The following PLP1 variants were observed in gnomAD, a reference collection of about 807,000 sequenced individuals.
The protein encoded by PLP1 is myelin proteolipid protein.
In PLP1, 2 loss-of-function variants were observed where a neutral mutation model predicts 18.5. The observed-to-expected ratio is 0.11, with a 90% CI of 0.04 to 0.34. The LOEUF (loss-of-function observed/expected upper bound fraction) is 0.34, where lower values mean the gene tolerates loss of function less well. Among genes scored for constraint, PLP1 ranks in the 10% least tolerant of loss-of-function variants. The pLI is 1.00. For missense variants in PLP1, 105 were observed against 207.3 expected, an observed-to-expected ratio of 0.51 and a Z score of 3.03; for synonymous variants, 86 against 83.2, an observed-to-expected ratio of 1.03 and a Z score of -0.19.
rs995009103 is a variant in PLP1 at position 103,780,879 on chromosome X, A to G, written c.4+3880A>G. 4.8e-4 allele frequency: 56 copies of G among 116,966 alleles called. 1 individual carries two copies. The highest frequency in any genetic ancestry group is 3.0e-3 in the Admixed American group (35 of 11,643). The allele number at this position is 116,966 out of a possible 1,213,427, so 9.6% of individuals were successfully genotyped here. Reference sequence around the variant, plus strand: ...GCATTTCGGCCTTGTCAACTACTGCAGGCCCTGATCAAGGAGGCCTCTGTT... The same window carrying G: ...GCATTTCGGCCTTGTCAACTACTGCGGGCCCTGATCAAGGAGGCCTCTGTT... On this transcript the variant is annotated intron_variant, in intron 1 of 6. Coordinates refer to ENST00000621218, the MANE Select transcript of PLP1 (RefSeq NM_000533.5).
chrX:103,785,934 C>T, intron 2 of PLP1, 166 bp downstream of exon 2: 1 of 702,097 alleles, frequency 1.4e-6, no homozygotes, highest in South Asian at 2.7e-5. Context: ...ACATTCGAAG[C>T]CCATTCAGAA....
chrX:103,786,873 G>A, intron 3 of PLP1, 147 bp downstream of exon 3: 5 of 624,125 alleles, frequency 8.0e-6, no homozygotes, highest in Non-Finnish European at 1.3e-5. Flanking sequence ...GAACGAGAAG[G>A]TCAGGAAGAA....
At chrX:103,776,826 T>A (rs1442507518), upstream of PLP1, 2 of 511,452 alleles carry the variant, frequency 3.9e-6, no homozygotes, top group Non-Finnish European at 6.7e-6. Context: ...GGGTTGGCTG[T>A]CAATCAGAAA....
chrX:103,785,138 C>A (rs2074483854), intron 1 of PLP1, among the ~76,000 whole-genome samples: 1 of 110,584 alleles, frequency 9.0e-6, no homozygotes, highest in Admixed American at 9.5e-5. Context: ...TACAATGGCG[C>A]AATCTTGGCT....
chrX:103,787,184 G>T (rs1001971446), intron 3 of PLP1, among the ~76,000 whole-genome samples: 1 of 111,645 alleles, frequency 9.0e-6, no homozygotes, highest in Non-Finnish European at 1.9e-5. Flanking sequence ...ATCCTGCACA[G>T]TTCGAGGTCC....
At chrX:103,781,347 G>A in intron 1 of PLP1, 1 of 318,617 alleles carries the variant, frequency 3.1e-6, no homozygotes, top group South Asian at 2.7e-5. Context: ...TCAGACCGCT[G>A]TGAAGAGCGC....
At chrX:103,777,195 G>C (rs1411985678) in intron 1 of PLP1, among the ~76,000 whole-genome samples, 196 bp downstream of exon 1, 1 of 111,910 alleles carries the variant, frequency 8.9e-6, no homozygotes, top group Non-Finnish European at 1.9e-5. Flanking sequence ...TATTACCAAA[G>C]AATTCCAGCA....
intron 5 of PLP1, 143 bp from the exon 6 acceptor site, chrX:103,789,190 A>T: frequency 1.9e-6 from 1 of 539,206 alleles, no homozygotes; most frequent in Non-Finnish European, 3.3e-6. Flanking sequence ...GCCCACATTT[A>T]GGGAAGTGAA....
At chrX:103,786,821 C>A in intron 3 of PLP1, 95 bp downstream of exon 3, 1 of 934,448 alleles carries the variant, frequency 1.1e-6, no homozygotes, top group Non-Finnish European at 1.5e-6. Flanking sequence ...TGGGTCCTCT[C>A]TAGGGGCCTG....
chrX:103,790,520 C>T lies in PLP1; in HGVS notation c.763-7C>T, dbSNP rs1479665687. 8.4e-7 allele frequency: 1 copy of T among 1,194,344 alleles called. No individual in the cohort carries two copies. Among genetic ancestry groups the T allele is most frequent in the South Asian group, 1.8e-5 (1 of 56,594 alleles). Reference sequence around the variant, plus strand: ...CTCATTCACATTCTCTCTTCTGTTCCCTACAGCTCACCTTCATGATTGCTG... The same window carrying T: ...CTCATTCACATTCTCTCTTCTGTTCTCTACAGCTCACCTTCATGATTGCTG... On this transcript the variant is annotated splice_region_variant and splice_polypyrimidine_tract_variant and intron_variant, in intron 6 of 6. Transcript: ENST00000621218.
rs1002372548 is a variant in PLP1 at position 103,776,903 on chromosome X, A to G, written c.-93A>G. 9 of 838,315 alleles carry G rather than the reference A, an allele frequency of 1.1e-5. No homozygotes were observed. In the East Asian group the frequency reaches 2.8e-4, roughly 26 times the overall value. The allele number at this position is 838,315 out of a possible 1,213,427, so 69.1% of individuals were successfully genotyped here. ...AGAAAAAGTAAAAGACCGAAGAAGGAGGCTGGAGAGACCAGGATCCTTCCA... is the reference window on the plus strand; with the variant it reads ...AGAAAAAGTAAAAGACCGAAGAAGGGGGCTGGAGAGACCAGGATCCTTCCA... On this transcript the variant is annotated 5_prime_UTR_variant, in exon 1 of 7. Transcript: ENST00000621218.
chrX:103,787,628 T>TA lies in PLP1; in HGVS notation c.454-169dup. Reference sequence around the variant, plus strand: ...ATACTGGGGCCAGTTATCTAGTAGATACTGCCAATTACCCTTGGCAGAGGT... The same window carrying TA: ...ATACTGGGGCCAGTTATCTAGTAGATAACTGCCAATTACCCTTGGCAGAGGT... On this transcript the variant is annotated intron_variant, in intron 3 of 6. Coordinates refer to ENST00000621218, the MANE Select transcript of PLP1 (RefSeq NM_000533.5). The TA allele has an allele frequency of 1.6e-5, 8 of 498,218 alleles. No homozygotes were observed. In the South Asian group the frequency reaches 2.2e-4, roughly 14 times the overall value. The allele number at this position is 498,218 out of a possible 1,213,427, so 41.1% of individuals were successfully genotyped here. A position where few individuals can be genotyped will look rare whatever the true frequency, so the allele number is the denominator to read the frequency against.
intron 1 of PLP1, 129 bp from the exon 2 acceptor site, chrX:103,785,453 C>T (rs964699906): frequency 1.6e-5 from 9 of 559,583 alleles, no homozygotes; most frequent in South Asian, 1.3e-4. Context: ...AACCTCTAGC[C>T]GCTCCTGCTT....
In PLP1 at chrX:103,790,743, C is replaced by T. The variant is rs2074538476; in HGVS notation, c.*145C>T. On this transcript the variant is annotated 3_prime_UTR_variant, in exon 7 of 7. Transcript: ENST00000621218. ...AGTGTAACAAGAAAGGAGAGTCTTG[C>T]AGTGATTAAGGTCTCTCTTTGGACT... 9.3e-6 allele frequency: 5 copies of T among 537,554 alleles called. No homozygotes were observed. Among genetic ancestry groups the T allele is most frequent in the Admixed American group, 2.5e-5 (1 of 40,227 alleles). 44.3% of individuals were successfully genotyped at this position (537,554 alleles called of 1,213,427 possible).
At chrX:103,780,437 CTCTGTGTGTGTGTGTG>C (rs2074443825) in intron 1 of PLP1, among the ~76,000 whole-genome samples, 1 of 87,836 alleles carries the variant, frequency 1.1e-5, no homozygotes, top group Non-Finnish European at 2.4e-5. Context: ...TTCTGTCTCT[CTCTGTGTGTGTGTGTG>C]TGTGTGTGTG....
intron 1 of PLP1, chrX:103,779,756 G>A: frequency 8.9e-6 from 1 of 111,952 alleles, no homozygotes; most frequent in Non-Finnish European, 1.9e-5. Context: ...TGGGAGGTGG[G>A]TGGGAGGGGA....
chrX:103,786,682 C>T lies in PLP1; in HGVS notation c.409C>T (p.Arg137Trp), dbSNP rs132630295. ...RGQHQAHSLE[R>W]VCHCLGKWLG... ...CCAACATCAAGCTCATTCTTTGGAG[C>T]GGGTGTGTCATTGTTTGGGAAAATG... Residue 137 changes from arginine to tryptophan, a missense_variant, in exon 3 of 7, where the codon CGG (arginine) becomes TGG (tryptophan). Coordinates refer to ENST00000621218, the MANE Select transcript of PLP1 (RefSeq NM_000533.5). 4 of 1,210,547 alleles carry T rather than the reference C, an allele frequency of 3.3e-6. No individual in the cohort carries two copies. The highest frequency in any genetic ancestry group is 4.5e-6 in the Non-Finnish European group (4 of 894,723).
At chrX:103,778,142 G>A (rs767644415) in intron 1 of PLP1, among the ~76,000 whole-genome samples, 3 of 112,128 alleles carry the variant, frequency 2.7e-5, no homozygotes, top group South Asian at 7.5e-4. Context: ...TGTGACCTTG[G>A]ACAGGTCACT....
intron 1 of PLP1, among the ~76,000 whole-genome samples, chrX:103,784,680 A>G (rs2074480055): frequency 8.9e-6 from 1 of 112,285 alleles, no homozygotes; most frequent in South Asian, 3.7e-4. Context: ...TGACAATACC[A>G]GCATCTCTGG....
Sources: gnomAD v4.1 joint callset for allele counts (sites outside exome capture counted in the v4.1 genomes callset) on GRCh38, gnomAD v4.1.1 for gene constraint, MANE v1.5 for transcripts, NCBI Gene and HGNC (gene_info 2026-07-23, HGNC 2026-07-21) for gene names.